The following ENTPD1 variants were observed in gnomAD, a reference collection of about 807,000 sequenced individuals.
ENTPD1 encodes the protein ATP diphosphohydrolase.
A neutral mutation model predicts 57.0 loss-of-function variants in ENTPD1; 33 were observed. The observed-to-expected ratio is 0.58, with a 90% CI of 0.44 to 0.77. The LOEUF (loss-of-function observed/expected upper bound fraction) is 0.77. ENTPD1 is among the 30% of genes least tolerant of loss of function. The pLI is 0.00. For missense variants in ENTPD1, 501 were observed against 603.4 expected (o/e 0.83, Z 1.78); for synonymous variants, 202 against 218.8 (o/e 0.92, Z 0.68).
At chr10:95,800,590 G>A (rs965045543) in intron 1 of ENTPD1, among the ~76,000 whole-genome samples, 1 of 152,120 alleles carries the variant, frequency 6.6e-6, no homozygotes, top group Non-Finnish European at 1.5e-5. Flanking sequence ...AACTGCATAA[G>A]ACAGACATTC....
the ENTPD1 span, among the ~76,000 whole-genome samples, chr10:95,696,913 C>G: frequency 2.6e-5 from 4 of 152,188 alleles, no homozygotes; most frequent in East Asian, 7.7e-4. Context: ...ACTTCTCCCC[C>G]CTTTTCCAAA....
At chr10:95,790,771 A>G (rs1453529534) in intron 1 of ENTPD1, among the ~76,000 whole-genome samples, 1 of 152,206 alleles carries the variant, frequency 6.6e-6, no homozygotes, top group Non-Finnish European at 1.5e-5. Context: ...AGTTGGAGAA[A>G]TAGAGATTGG....
At chr10:95,811,444 T>G (rs747535533) in intron 1 of ENTPD1, among the ~76,000 whole-genome samples, 2 of 152,104 alleles carry the variant, frequency 1.3e-5, no homozygotes, top group Non-Finnish European at 2.9e-5. Flanking sequence ...CTCTGTACAT[T>G]TTTTCCTCTT....
intron 1 of ENTPD1, among the ~76,000 whole-genome samples, chr10:95,784,693 C>G (rs1049623153): frequency 6.6e-5 from 10 of 152,176 alleles, no homozygotes; most frequent in African/African-American, 2.4e-4. Flanking sequence ...CCTCAGTACT[C>G]TTTTCCCTCA....
At chr10:95,829,626 A>G (rs143438801) in intron 2 of ENTPD1, among the ~76,000 whole-genome samples, 1 of 152,304 alleles carries the variant, frequency 6.6e-6, no homozygotes, top group African/African-American at 2.4e-5. Flanking sequence ...TAATTTCAAT[A>G]TAATAGAGAT....
chr10:95,711,960 A>C, exon 1 of ENTPD1: 1 of 1,613,372 alleles, frequency 6.2e-7, no homozygotes, highest in Non-Finnish European at 8.5e-7. Context: ...AGCTGCAATG[A>C]AGGGAACCAA....
chr10:95,748,776 C>A (rs962212270), intron 1 of ENTPD1, among the ~76,000 whole-genome samples: 1 of 152,144 alleles, frequency 6.6e-6, no homozygotes, highest in Non-Finnish European at 1.5e-5. Context: ...TTTTAAATCT[C>A]TTTTAATTTA....
chr10:95,735,632 G>C (rs1412150560), intron 1 of ENTPD1, among the ~76,000 whole-genome samples: 1 of 151,862 alleles, frequency 6.6e-6, no homozygotes. Context: ...GTCTCGCCCT[G>C]TTGCCCAGGC....
the ENTPD1 span, among the ~76,000 whole-genome samples, chr10:95,698,264 G>A: frequency 6.6e-6 from 1 of 152,164 alleles, no homozygotes; most frequent in Admixed American, 6.5e-5. Context: ...AGGGTATCTA[G>A]CAAAAGAAAT....
At chr10:95,793,624 A>G (rs767860357) in intron 1 of ENTPD1, among the ~76,000 whole-genome samples, 8 of 152,162 alleles carry the variant, frequency 5.3e-5, no homozygotes, top group Non-Finnish European at 7.4e-5. Flanking sequence ...CTCACCTCAG[A>G]CTTACTGAAT....
rs767353747 is a variant in ENTPD1, at chr10:95,844,513, G to A, written c.451G>A (p.Val151Met). The part of the protein sequence containing the change: ...SEELADRVLD[V>M]VERSLSNYPF... Reference sequence around the variant, plus strand: ...AGAGTTGGCAGACAGGGTTCTGGATGTGGTGGAGAGGAGCCTCAGCAACTA... The same window carrying A: ...AGAGTTGGCAGACAGGGTTCTGGATATGGTGGAGAGGAGCCTCAGCAACTA... Residue 151 changes from valine (V) to methionine (M), a missense_variant, in exon 5 of 10, where the codon GTG (valine) becomes ATG (methionine). Coordinates refer to ENST00000371205, the MANE Select transcript of ENTPD1 (RefSeq NM_001776.6). The A allele has an allele frequency of 7.4e-6, 12 of 1,614,236 alleles. No individual in the cohort carries two copies. The highest frequency in any genetic ancestry group is 1.0e-5 in the Non-Finnish European group (12 of 1,180,032).
chr10:95,801,011 A>G (rs546487265), intron 1 of ENTPD1, among the ~76,000 whole-genome samples: 1 of 152,302 alleles, frequency 6.6e-6, no homozygotes, highest in Admixed American at 6.5e-5. Flanking sequence ...AATGTCCATG[A>G]AATCTTCACA....
the ENTPD1 span, among the ~76,000 whole-genome samples, chr10:95,706,135 A>C: frequency 2.0e-5 from 3 of 152,194 alleles, no homozygotes; most frequent in African/African-American, 7.2e-5. Context: ...GTTGATCTAA[A>C]GCAAGATACA....
chr10:95,767,331 AAAG>A lies in ENTPD1; in HGVS notation c.16+11079_16+11081del, dbSNP rs1226988860. On this transcript the variant is annotated intron_variant, in intron 1 of 9. Coordinates refer to ENST00000371205, the MANE Select transcript of ENTPD1 (RefSeq NM_001776.6). ...CTCCATCTCAAAAAAAAAAAAAAAA[AAAG>A]AAAGAAAAAAGGAAAGCAAAACATT... Among the ~76,000 whole-genome samples the A allele has an allele frequency of 1.4e-3, 207 of 148,246 alleles. 1 individual carries two copies. The highest frequency in any genetic ancestry group is 4.7e-3 in the African/African-American group (192 of 40,988).
Position 95,847,648 on chromosome 10 carries a change from C to T in ENTPD1, c.1016C>T (p.Pro339Leu). Reference sequence around the variant, plus strand: ...GAGCTCTTCAACACCAGTTACTGCCCTTACTCCCAGTGTGCCTTCAATGGG... The same window carrying T: ...GAGCTCTTCAACACCAGTTACTGCCTTTACTCCCAGTGTGCCTTCAATGGG... ...ILELFNTSYC[P>L]YSQCAFNGIF... The change falls in exon 7 of 10, where the codon CCT becomes CTT. Residue 339 changes from proline (P) to leucine (L), a missense_variant. Pro to Leu is a moderately conservative substitution (Grantham distance 98). Coordinates refer to ENST00000371205, the MANE Select transcript of ENTPD1 (RefSeq NM_001776.6). 17 of 1,614,180 alleles carry T rather than the reference C, an allele frequency of 1.1e-5. No homozygotes were observed. Among genetic ancestry groups the T allele is most frequent in the Non-Finnish European group, 1.4e-5 (17 of 1,180,028 alleles).
rs751335015 is a variant in ENTPD1, at chr10:95,842,410, A to G, written c.329A>G (p.Glu110Gly). Residue 110 changes from glutamate to glycine, a missense_variant, in exon 4 of 10, where the codon GAA (glutamate) becomes GGA (glycine). Glu to Gly is a moderately conservative substitution (Grantham distance 98). Coordinates refer to ENST00000371205, the MANE Select transcript of ENTPD1 (RefSeq NM_001776.6). ...GGCATTTACCTGACTGATTGCATGG[A>G]AAGAGCTAGGGAAGTGATTCCAAGG... ...EIGIYLTDCM[E>G]RAREVIPRSQ... is the part of the protein sequence containing the mutation. 1.2e-6 allele frequency: 2 copies of G among 1,614,178 alleles called. No individual in the cohort carries two copies. The highest frequency in any genetic ancestry group is 1.7e-6 in the Non-Finnish European group (2 of 1,180,022).
At chr10:95,732,843 G>T (rs188816230) in intron 1 of ENTPD1, among the ~76,000 whole-genome samples, 1 of 152,122 alleles carries the variant, frequency 6.6e-6, no homozygotes, top group Admixed American at 6.5e-5. Flanking sequence ...TATGAATAGG[G>T]TATGGGTCAC....
chr10:95,870,701 G>A lies in ENTPD1; in HGVS notation c.*4318G>A. ...ACTGAGTTTCACCCAAACTGGTCTG[G>A]CCCCTCTCTGATTCAAATACCAATA... On this transcript the variant is annotated 3_prime_UTR_variant, in exon 10 of 10. Coordinates refer to ENST00000371205, the MANE Select transcript of ENTPD1 (RefSeq NM_001776.6). 3 of 985,420 alleles carry A rather than the reference G, an allele frequency of 3.0e-6. 1 individual carries two copies. The highest frequency in any genetic ancestry group is 3.6e-6 in the Non-Finnish European group (3 of 829,938). 61.0% of individuals were successfully genotyped at this position (985,420 alleles called of 1,614,324 possible). A position where few individuals can be genotyped will look rare whatever the true frequency, so the allele number is the denominator to read the frequency against.
Position 95,867,877 on chromosome 10 carries a change from G to A in ENTPD1, c.*1494G>A. The A allele has an allele frequency of 1.0e-6, 1 of 985,416 alleles. No individual in the cohort carries two copies. Among genetic ancestry groups the A allele is most frequent in the Non-Finnish European group, 1.2e-6 (1 of 829,922 alleles). 61.0% of individuals were successfully genotyped at this position (985,416 alleles called of 1,614,324 possible). On this transcript the variant is annotated 3_prime_UTR_variant, in exon 10 of 10. Coordinates refer to ENST00000371205, the MANE Select transcript of ENTPD1 (RefSeq NM_001776.6). ...TCAAGTCACTTTTGACAACATCCAG[G>A]TGAATATAAAAACTTAATAAAGCTG...
Sources: gnomAD v4.1 joint callset for allele counts (sites outside exome capture counted in the v4.1 genomes callset) on GRCh38, gnomAD v4.1.1 for gene constraint, MANE v1.5 for transcripts, NCBI Gene and HGNC (gene_info 2026-07-23, HGNC 2026-07-21) for gene names.